The following FYCO1 variants were observed in gnomAD, a reference collection of about 807,000 sequenced individuals.
FYCO1 encodes the protein FYVE and coiled-coil domain autophagy adaptor 1, also known as FYVE and coiled-coil domain-containing protein 1.
A neutral mutation model predicts 165.1 loss-of-function variants in FYCO1; 122 were observed. The observed-to-expected ratio is 0.74, with a 90% CI of 0.64 to 0.86. The LOEUF is 0.86. Among genes scored for constraint, FYCO1 ranks in the 40% least tolerant of loss-of-function variants. FYCO1 has a pLI of 0.00. For missense variants in FYCO1, 1,702 were observed against 1,810.3 expected (o/e 0.94, Z 1.09); for synonymous variants, 648 against 742.5 (o/e 0.87, Z 2.07).
chr3:45,943,853 C>T (rs1228143100), intron 14 of FYCO1, among the ~76,000 whole-genome samples: 2 of 152,140 alleles, frequency 1.3e-5, no homozygotes, highest in African/African-American at 2.4e-5. Flanking sequence ...TCTATATTTG[C>T]TCAATGAATA....
intron 5 of FYCO1, among the ~76,000 whole-genome samples, chr3:45,974,394 C>A (rs968417466): frequency 9.9e-5 from 15 of 152,190 alleles, no homozygotes; most frequent in African/African-American, 3.6e-4. Context: ...GCGATCTTCA[C>A]CAAACATCTA....
At position 45,980,590 on chromosome 3, in the gene FYCO1, A is replaced by G. The variant is rs1559466528; in HGVS notation, c.163-760T>C. On this transcript the variant is annotated intron_variant, in intron 3 of 17. Coordinates refer to ENST00000296137, the MANE Select transcript of FYCO1 (RefSeq NM_024513.4). ...AGAAAGGCTCAAAAACATTTTTACA[A>G]TGTTAAAGAACCAGCTGAAATGTCA... Among the ~76,000 whole-genome samples, 3 of 152,216 alleles carry G rather than the reference A, an allele frequency of 2.0e-5. No homozygotes were observed. The South Asian group carries it at 6.2e-4, about 32-fold the overall frequency.
rs1212082555 is a variant in FYCO1 at position 45,973,084 on chromosome 3, G to A, written c.539+4C>T. On this transcript the variant is annotated splice_donor_region_variant and intron_variant, in intron 6 of 17. Coordinates refer to ENST00000296137, the MANE Select transcript of FYCO1 (RefSeq NM_024513.4). Reference sequence around the variant, plus strand: ...CTTTTAAACCAAGCAATCCTTCAAAGTACCTGGCAAATGTTGGCCAGGCAG... The same window carrying A: ...CTTTTAAACCAAGCAATCCTTCAAAATACCTGGCAAATGTTGGCCAGGCAG... 1 of 1,614,152 alleles carries A rather than the reference G, an allele frequency of 6.2e-7. No homozygotes were observed. The highest frequency in any genetic ancestry group is 8.5e-7 in the Non-Finnish European group (1 of 1,180,018).
chr3:45,922,619 C>T (rs1383003975), intron 17 of FYCO1, among the ~76,000 whole-genome samples: 1 of 152,166 alleles, frequency 6.6e-6, no homozygotes, highest in African/African-American at 2.4e-5. Context: ...TGAGGTCCTG[C>T]TAACTCCAGG....
chr3:45,955,199 G>C, intron 14 of FYCO1, 50 bp downstream of exon 14: 1 of 1,601,120 alleles, frequency 6.2e-7, no homozygotes, highest in Non-Finnish European at 8.5e-7. Context: ...GAAAGCACAG[G>C]GGCCAGGCCT....
At chr3:45,971,200 A>G (rs1015720483) in intron 6 of FYCO1, among the ~76,000 whole-genome samples, 1 of 152,248 alleles carries the variant, frequency 6.6e-6, no homozygotes, top group African/African-American at 2.4e-5. Context: ...ATAAGAATCC[A>G]TGAGTCAATA....
At position 45,969,670 on chromosome 3, in the gene FYCO1, C is replaced by T. The variant is rs1706307792; in HGVS notation, c.630+5G>A. The T allele has an allele frequency of 3.1e-6, 5 of 1,612,578 alleles. No homozygotes were observed. The highest frequency in any genetic ancestry group is 4.2e-6 in the Non-Finnish European group (5 of 1,178,774). ...GAAGATAATTCCCAGCCTTCCTGGCCTTACCTGCAGGTAGCTGCTCACCAA... is the reference window on the plus strand; with the variant it reads ...GAAGATAATTCCCAGCCTTCCTGGCTTTACCTGCAGGTAGCTGCTCACCAA... On this transcript the variant is annotated splice_donor_5th_base_variant and intron_variant, in intron 7 of 17. Coordinates refer to ENST00000296137, the MANE Select transcript of FYCO1 (RefSeq NM_024513.4).
At chr3:45,994,665 C>G (rs1707710196) in intron 1 of FYCO1, among the ~76,000 whole-genome samples, 1 of 151,702 alleles carries the variant, frequency 6.6e-6, no homozygotes, top group South Asian at 2.1e-4. Flanking sequence ...CCCACACCAG[C>G]CCCCAACACC....
In FYCO1 at chr3:45,930,887, C is replaced by A. The variant is rs146947855; in HGVS notation, c.4251+184G>T. On this transcript the variant is annotated intron_variant, in intron 16 of 17. Transcript: ENST00000296137. ...GAACAGCTTTCCAGAACTTCTGGGT[C>A]TTTCTCTCCCCAAACTGGACAAGGC... 1.1e-3 allele frequency among the ~76,000 whole-genome samples: 163 copies of A among 152,350 alleles called. 5 individuals carry two copies. In the East Asian group the frequency reaches 0.026, roughly 24 times the overall value.
chr3:45,989,227 G>A (rs2125879683), intron 1 of FYCO1, among the ~76,000 whole-genome samples: 1 of 152,300 alleles, frequency 6.6e-6, no homozygotes, highest in Middle Eastern at 3.4e-3. Context: ...CCTACCAGTT[G>A]TAAAGTCTCC....
In FYCO1 at chr3:45,964,520, G is replaced by C; in HGVS notation, c.3151-66C>G. The C allele has an allele frequency of 6.2e-7, 1 of 1,605,130 alleles. No homozygotes were observed. The highest frequency in any genetic ancestry group is 1.1e-5 in the South Asian group (1 of 89,832). ...AGGCCATGCAACGTACCATAAAGTG[G>C]CTGGTGTGCCATCCACCCCATCTGG... On this transcript the variant is annotated intron_variant, in intron 9 of 17. Transcript: ENST00000296137. The surrounding 1 kb of genome is among the most constrained non-coding windows in gnomAD (Gnocchi z 4.1).
chr3:45,936,379 G>T, intron 15 of FYCO1, 69 bp downstream of exon 15: 1 of 1,043,076 alleles, frequency 9.6e-7, no homozygotes, highest in Non-Finnish European at 1.5e-6. Context: ...CCCAGCGCCG[G>T]CACTGGAGAG....
intron 14 of FYCO1, chr3:45,938,363 C>T: frequency 4.0e-6 from 2 of 494,072 alleles, no homozygotes; most frequent in South Asian, 3.2e-5. Flanking sequence ...AGGTCATGAC[C>T]CATTTAGTGG....
intron 2 of FYCO1, among the ~76,000 whole-genome samples, chr3:45,983,293 G>A (rs189695495): frequency 1.3e-5 from 2 of 152,302 alleles, no homozygotes; most frequent in Non-Finnish European, 2.9e-5. Context: ...CCCTGCAGAG[G>A]AGTGAAGGCT....
chr3:45,927,981 C>T (rs1421873384), intron 16 of FYCO1, among the ~76,000 whole-genome samples: 1 of 152,248 alleles, frequency 6.6e-6, no homozygotes, highest in East Asian at 1.9e-4. Flanking sequence ...TTTAAAACAT[C>T]TTACTCTGTA....
rs545630573 is a variant in FYCO1, at chr3:45,976,511, C to A, written c.289-1166G>T. Reference sequence around the variant, plus strand: ...TCCTGACCTACCACAAGCACCTGCTCTCTCAGGCTCTGGCTCTGGGTAGGG... The same window carrying A: ...TCCTGACCTACCACAAGCACCTGCTATCTCAGGCTCTGGCTCTGGGTAGGG... On this transcript the variant is annotated intron_variant, in intron 4 of 17. Transcript: ENST00000296137. Among the ~76,000 whole-genome samples, 6 of 152,358 alleles carry A rather than the reference C, an allele frequency of 3.9e-5. No individual in the cohort carries two copies. The South Asian group carries it at 1.2e-3, about 32-fold the overall frequency.
chr3:45,949,555 C>A (rs1704864545), intron 14 of FYCO1, among the ~76,000 whole-genome samples: 1 of 152,170 alleles, frequency 6.6e-6, no homozygotes, highest in Non-Finnish European at 1.5e-5. Context: ...CACCATGTAC[C>A]CCTGTGCAGG....
chr3:45,994,745 A>G (rs2125885810), intron 1 of FYCO1, among the ~76,000 whole-genome samples: 1 of 149,680 alleles, frequency 6.7e-6, no homozygotes, highest in East Asian at 2.1e-4. Context: ...CTGCACGGGC[A>G]GGAGAACCAG....
At chr3:45,927,156 T>C (rs1703360363) in intron 16 of FYCO1, among the ~76,000 whole-genome samples, 1 of 152,184 alleles carries the variant, frequency 6.6e-6, no homozygotes, top group Non-Finnish European at 1.5e-5. Flanking sequence ...TTTTATTTGT[T>C]TTTGTCTTTG....
Sources: gnomAD v4.1 joint callset for allele counts (sites outside exome capture counted in the v4.1 genomes callset) on GRCh38, gnomAD v4.1.1 for gene constraint, Gnocchi (gnomAD v3.1) non-coding constraint, MANE v1.5 for transcripts, NCBI Gene and HGNC (gene_info 2026-07-23, HGNC 2026-07-21) for gene names.